SERINC5: variants seen among roughly 807,000 people sequenced by gnomAD.
SERINC5 encodes the protein serine incorporator 5, also known as chromosome 5 open reading frame 12.
SERINC5 carries 41 observed loss-of-function variants against 63.1 expected under a neutral mutation model. The observed-to-expected ratio is 0.65, with a 90% confidence interval of 0.51 to 0.84. The LOEUF is 0.84. SERINC5 is among the 40% of genes least tolerant of loss of function. The pLI is 0.00. For synonymous variants in SERINC5, 222 were observed against 215.2 expected (o/e 1.03, Z -0.28); for missense variants, 523 against 573.0 (o/e 0.91, Z 0.89).
At chr5:80,116,490 C>T (rs1744326099) in intron 11 of SERINC5, among the ~76,000 whole-genome samples, 1 of 152,030 alleles carries the variant, frequency 6.6e-6, no homozygotes, top group Non-Finnish European at 1.5e-5. Flanking sequence ...TCTCCATACC[C>T]CTCCTTCCCC....
chr5:80,158,812 C>T (rs1311520117), intron 8 of SERINC5, 24 bp downstream of exon 8: 2 of 1,605,736 alleles, frequency 1.2e-6, no homozygotes, highest in African/African-American at 1.3e-5. Flanking sequence ...GCAAAAGTGA[C>T]CTTGAGTAAC....
chr5:80,125,697 G>T (rs1173314505), intron 11 of SERINC5, among the ~76,000 whole-genome samples: 1 of 152,194 alleles, frequency 6.6e-6, no homozygotes, highest in African/African-American at 2.4e-5. Context: ...ATGATGGGAA[G>T]ACTCAGCTGG....
chr5:80,161,026 A>C (rs1425065480), intron 7 of SERINC5, among the ~76,000 whole-genome samples: 1 of 122,042 alleles, frequency 8.2e-6, no homozygotes, highest in African/African-American at 5.4e-5. Context: ...GTGTATATAT[A>C]TACACACGTG....
rs540688837 is a variant in SERINC5 at position 80,178,890 on chromosome 5, AC to A, written c.196-827del. On this transcript the variant is annotated intron_variant, in intron 2 of 11. Transcript: ENST00000507668. The stretch of plus-strand genomic sequence containing the variant: ...ATACAACACACTCACATATACATAT[AC>A]ATACACAACACACATACATACACTC... 2.0e-5 allele frequency among the ~76,000 whole-genome samples: 3 copies of A among 152,306 alleles called. No homozygotes were observed. In the East Asian group the frequency reaches 5.8e-4, roughly 29 times the overall value.
At chr5:80,189,720 T>C (rs1749063267) in intron 2 of SERINC5, among the ~76,000 whole-genome samples, 1 of 152,216 alleles carries the variant, frequency 6.6e-6, no homozygotes, top group Non-Finnish European at 1.5e-5. Flanking sequence ...TTTTTTCTTT[T>C]CTTTTAATAG....
intron 5 of SERINC5, among the ~76,000 whole-genome samples, chr5:80,171,565 G>A (rs953965711): frequency 2.6e-5 from 4 of 152,138 alleles, no homozygotes; most frequent in African/African-American, 9.7e-5. Flanking sequence ...AAATTCTGGT[G>A]ATCAACTGTA....
Position 80,143,770 on chromosome 5 carries a change from A to AGC in SERINC5, c.1277_1278dup (p.Trp427AlafsTer113), listed in dbSNP as rs1212470804. The AGC allele has an allele frequency of 6.5e-7, 1 of 1,536,170 alleles. No homozygotes were observed. The highest frequency in any genetic ancestry group is 8.7e-7 in the Non-Finnish European group (1 of 1,146,880). Reference sequence around the variant, plus strand: ...GCCATCTTGACCCAGAAGATGGACCAGCTCCCGCTGAAGAAGCTCTCGATG... The same window carrying AGC: ...GCCATCTTGACCCAGAAGATGGACCAGCGCTCCCGCTGAAGAAGCTCTCGATG... On this transcript the variant is annotated frameshift_variant, in exon 12 of 12. Transcript: ENST00000507668. LOFTEE classifies it high-confidence loss of function.
chr5:80,185,395 T>C (rs1244744862), intron 2 of SERINC5, among the ~76,000 whole-genome samples: 2 of 152,082 alleles, frequency 1.3e-5, no homozygotes, highest in East Asian at 3.9e-4. Flanking sequence ...TTTCATGGAG[T>C]TGCCTGAGAA....
chr5:80,153,324 G>A (rs889748292), intron 8 of SERINC5, among the ~76,000 whole-genome samples: 1 of 151,990 alleles, frequency 6.6e-6, no homozygotes. Flanking sequence ...CGGGCATGGT[G>A]GGGGGCGCCT....
intron 1 of SERINC5, among the ~76,000 whole-genome samples, chr5:80,222,553 A>ACTATGTGAGT (rs1750956650): frequency 7.2e-6 from 1 of 138,892 alleles, no homozygotes. Context: ...TTTGTGGGTG[A>ACTATGTGAGT]GTGTGTGAGT....
At chr5:80,254,437 A>G (rs1488276853) in intron 1 of SERINC5, among the ~76,000 whole-genome samples, 5 of 152,198 alleles carry the variant, frequency 3.3e-5, no homozygotes, top group Non-Finnish European at 7.3e-5. Flanking sequence ...TACAAAACCC[A>G]TTTGAATACT....
intron 11 of SERINC5, among the ~76,000 whole-genome samples, chr5:80,119,458 G>A (rs1744457323): frequency 6.6e-6 from 1 of 152,192 alleles, no homozygotes; most frequent in Non-Finnish European, 1.5e-5. Context: ...GCAGTGCAGG[G>A]ATCAGCTGGG....
intron 1 of SERINC5, among the ~76,000 whole-genome samples, chr5:80,243,633 TG>T (rs896124566): frequency 6.6e-6 from 1 of 151,824 alleles, no homozygotes; most frequent in Non-Finnish European, 1.5e-5. Context: ...AGGCTGGGCA[TG>T]GTGGCTCACA....
chr5:80,219,635 G>C (rs1561435089), intron 1 of SERINC5, among the ~76,000 whole-genome samples: 1 of 152,128 alleles, frequency 6.6e-6, no homozygotes, highest in Non-Finnish European at 1.5e-5. Context: ...GCCTTTGTGA[G>C]GATGCCTGCA....
At chr5:80,247,137 T>TG (rs1752202902) in intron 1 of SERINC5, among the ~76,000 whole-genome samples, 1 of 152,336 alleles carries the variant, frequency 6.6e-6, no homozygotes, top group East Asian at 1.9e-4. Context: ...TGTAGACATA[T>TG]CAGCTTATAT....
intron 2 of SERINC5, 47 bp downstream of exon 2, chr5:80,202,839 C>T: frequency 6.4e-7 from 1 of 1,559,826 alleles, no homozygotes; most frequent in Non-Finnish European, 8.8e-7. Flanking sequence ...CCCACACACC[C>T]TCATCAAACA....
In SERINC5 at chr5:80,140,654, G is replaced by A; in HGVS notation, c.*3009C>T. Reference sequence around the variant, plus strand: ...TAAAGACGTGGTTGGGTTTCTGAAGGCTTATAATGGAAATAGTCTCTAGTC... The same window carrying A: ...TAAAGACGTGGTTGGGTTTCTGAAGACTTATAATGGAAATAGTCTCTAGTC... On this transcript the variant is annotated 3_prime_UTR_variant, in exon 12 of 12. Transcript: ENST00000507668. 1 of 985,260 alleles carries A rather than the reference G, an allele frequency of 1.0e-6. No individual in the cohort carries two copies. The highest frequency in any genetic ancestry group is 1.2e-6 in the Non-Finnish European group (1 of 829,858). The allele number at this position is 985,260 out of a possible 1,614,324, so 61.0% of individuals were successfully genotyped here.
intron 7 of SERINC5, among the ~76,000 whole-genome samples, chr5:80,162,364 C>T (rs1280348313): frequency 1.3e-5 from 2 of 152,076 alleles, no homozygotes; most frequent in Admixed American, 1.3e-4. Flanking sequence ...TTTCCATTCG[C>T]TTGCATCCTT....
chr5:80,182,825 C>T (rs187672311), intron 2 of SERINC5, among the ~76,000 whole-genome samples: 4 of 152,220 alleles, frequency 2.6e-5, no homozygotes, highest in Middle Eastern at 6.8e-3. Flanking sequence ...GGATTACAGG[C>T]GTGAACCACC....
Sources: gnomAD v4.1 joint callset for allele counts (sites outside exome capture counted in the v4.1 genomes callset) on GRCh38, gnomAD v4.1.1 for gene constraint, MANE v1.5 for transcripts, NCBI Gene and HGNC (gene_info 2026-07-23, HGNC 2026-07-21) for gene names.